GRID2: variants seen among roughly 807,000 people sequenced by gnomAD.
GRID2 encodes glutamate ionotropic receptor delta type subunit 2.
In GRID2, 33 loss-of-function variants were observed where a neutral mutation model predicts 114.8. That is an observed-to-expected ratio of 0.29 (90% confidence interval 0.22 to 0.38). The LOEUF is 0.38. GRID2 is among the 10% of genes least tolerant of loss of function. The pLI, the probability that GRID2 is intolerant of heterozygous loss-of-function variation, is 1.00. For synonymous variants in GRID2, 505 were observed against 449.9 expected (o/e 1.12, Z -1.55); for missense variants, 1,184 against 1,257.7 (o/e 0.94, Z 0.89).
chr4:93,689,796 T>C lies in GRID2; in HGVS notation c.2360+63361T>C, dbSNP rs952410324. Among the ~76,000 whole-genome samples the C allele has an allele frequency of 2.4e-4, 37 of 152,122 alleles. 1 individual carries two copies. Among genetic ancestry groups the C allele is most frequent in the African/African-American group, 8.4e-4 (35 of 41,446 alleles). On this transcript the variant is annotated intron_variant, in intron 14 of 15. Transcript: ENST00000282020. ...TTTTAAATGATTAATAATGTAATCT[T>C]CAAAGCAGAACACTTGGATTTCATT...
chr4:92,960,271 T>A (rs1041094678), intron 2 of GRID2, among the ~76,000 whole-genome samples: 2 of 152,150 alleles, frequency 1.3e-5, no homozygotes, highest in South Asian at 4.1e-4. Context: ...AGGTCAATTA[T>A]ATTCAGTTCA....
intron 1 of GRID2, among the ~76,000 whole-genome samples, chr4:93,801,130 G>A (rs1734919474): frequency 6.6e-6 from 1 of 152,020 alleles, no homozygotes; most frequent in Non-Finnish European, 1.5e-5. Flanking sequence ...GCATGAGAGT[G>A]AACTCAATTG....
chr4:92,730,859 A>C (rs1361464106), intron 2 of GRID2, among the ~76,000 whole-genome samples: 1 of 152,004 alleles, frequency 6.6e-6, no homozygotes, highest in African/African-American at 2.4e-5. Flanking sequence ...AATTATTCAG[A>C]AATCTAACTC....
chr4:93,063,783 G>A (rs1434313869), intron 2 of GRID2, among the ~76,000 whole-genome samples: 9 of 151,662 alleles, frequency 5.9e-5, no homozygotes, highest in Admixed American at 4.6e-4. Flanking sequence ...CCTTTTTGCA[G>A]ACAAATAAAC....
chr4:93,140,996 A>T (rs1450826257), intron 4 of GRID2, among the ~76,000 whole-genome samples: 2 of 152,148 alleles, frequency 1.3e-5, no homozygotes, highest in Non-Finnish European at 2.9e-5. Flanking sequence ...GTCTCTGGAG[A>T]ACTGTCTGCC....
At chr4:92,322,754 G>A (rs1306771185) in intron 1 of GRID2, among the ~76,000 whole-genome samples, 1 of 151,898 alleles carries the variant, frequency 6.6e-6, no homozygotes, top group South Asian at 2.1e-4. Flanking sequence ...TTAGCAGCAG[G>A]TTATTCTTTC....
chr4:92,743,898 G>C (rs1410180234), intron 2 of GRID2, among the ~76,000 whole-genome samples: 2 of 152,176 alleles, frequency 1.3e-5, no homozygotes, highest in Admixed American at 1.3e-4. Flanking sequence ...TTTTATGTTT[G>C]ACATATATGT....
intron 12 of GRID2, among the ~76,000 whole-genome samples, chr4:93,500,196 A>C (rs1560686351): frequency 6.6e-6 from 1 of 152,010 alleles, no homozygotes; most frequent in Non-Finnish European, 1.5e-5. Context: ...TAGCTCAATG[A>C]CCTTGTCAGG....
At chr4:92,925,172 G>T (rs147433365) in intron 2 of GRID2, among the ~76,000 whole-genome samples, 1 of 152,172 alleles carries the variant, frequency 6.6e-6, no homozygotes, top group Admixed American at 6.6e-5. Context: ...AAATTAAAAA[G>T]TTACTTTGGA....
intron 1 of GRID2, among the ~76,000 whole-genome samples, chr4:92,532,831 G>A (rs913727720): frequency 6.6e-6 from 1 of 152,030 alleles, no homozygotes; most frequent in Non-Finnish European, 1.5e-5. Context: ...TCAACATTTT[G>A]GGAGGCCGAG....
At chr4:92,502,008 A>G (rs1214521408) in intron 1 of GRID2, among the ~76,000 whole-genome samples, 1 of 152,126 alleles carries the variant, frequency 6.6e-6, no homozygotes, top group African/African-American at 2.4e-5. Flanking sequence ...TCTCCTTTAT[A>G]TGACTTCTAA....
At chr4:93,212,670 T>C (rs1257537172) in intron 5 of GRID2, among the ~76,000 whole-genome samples, 9 of 152,220 alleles carry the variant, frequency 5.9e-5, no homozygotes, top group Non-Finnish European at 2.9e-5. Flanking sequence ...CTTGATTGAC[T>C]TTACTGGCTT....
At chr4:92,445,874 C>T (rs556667957) in intron 1 of GRID2, among the ~76,000 whole-genome samples, 2 of 152,312 alleles carry the variant, frequency 1.3e-5, no homozygotes, top group African/African-American at 2.4e-5. Context: ...GCTTTAATGT[C>T]ACTGTGAACA....
chr4:93,721,926 T>TA (rs1444464302), intron 14 of GRID2, among the ~76,000 whole-genome samples: 2 of 150,012 alleles, frequency 1.3e-5, no homozygotes, highest in African/African-American at 4.9e-5. Context: ...TTTTCTTTTT[T>TA]TTTTTTTTTT....
intron 8 of GRID2, among the ~76,000 whole-genome samples, chr4:93,265,047 C>T (rs1196946447): frequency 3.3e-5 from 5 of 151,664 alleles, no homozygotes; most frequent in South Asian, 4.2e-4. Context: ...TCCCAAAGTG[C>T]GGGGATTACA....
chr4:93,767,826 C>A (rs1047736236), intron 14 of GRID2, among the ~76,000 whole-genome samples: 1 of 152,174 alleles, frequency 6.6e-6, no homozygotes, highest in Non-Finnish European at 1.5e-5. Context: ...TAATCCAAGA[C>A]CTTGGGCAAG....
At chr4:93,767,326 T>G (rs1733751030) in intron 14 of GRID2, among the ~76,000 whole-genome samples, 1 of 152,172 alleles carries the variant, frequency 6.6e-6, no homozygotes, top group South Asian at 2.1e-4. Context: ...TGCTGTGAAA[T>G]GCACTTTTGG....
rs747137130 is a variant in GRID2, at chr4:92,939,386, T to C, written c.245-145609T>C. Among the ~76,000 whole-genome samples the C allele has an allele frequency of 2.6e-4, 39 of 147,648 alleles. 5 individuals carry two copies. Among genetic ancestry groups the C allele is most frequent in the Non-Finnish European group, 4.8e-4 (32 of 66,556 alleles). On this transcript the variant is annotated intron_variant, in intron 2 of 15. Transcript: ENST00000282020. ...TTCCTTTGAGAATTGTCTGTTTATG[T>C]CCTTCACCCACTTTTTGATGGGGTT... is the stretch of plus-strand genomic sequence containing the variant.
At chr4:93,143,623 A>G (rs1663945796) in intron 4 of GRID2, among the ~76,000 whole-genome samples, 1 of 152,182 alleles carries the variant, frequency 6.6e-6, no homozygotes, top group South Asian at 2.1e-4. Context: ...AGAATAGTAT[A>G]TCTAACTTCT....
Sources: gnomAD v4.1 joint callset for allele counts (sites outside exome capture counted in the v4.1 genomes callset) on GRCh38, gnomAD v4.1.1 for gene constraint, MANE v1.5 for transcripts, NCBI Gene and HGNC (gene_info 2026-07-23, HGNC 2026-07-21) for gene names.